PPARGC1A: variants seen among roughly 807,000 people sequenced by gnomAD.
PPARGC1A encodes the protein PPARG coactivator 1 alpha.
A neutral mutation model predicts 88.7 loss-of-function variants in PPARGC1A; 25 were observed. The observed-to-expected ratio is 0.28, with a 90% CI of 0.21 to 0.39. PPARGC1A has a LOEUF of 0.39. PPARGC1A is among the 10% of genes least tolerant of loss of function. The pLI is 1.00. For missense variants in PPARGC1A, 880 were observed against 968.7 expected, an observed-to-expected ratio of 0.91 and a Z score of 1.22; for synonymous variants, 363 against 355.6, an observed-to-expected ratio of 1.02 and a Z score of -0.24.
At chr4:23,977,674 G>A in the PPARGC1A span, among the ~76,000 whole-genome samples, 1 of 152,040 alleles carries the variant, frequency 6.6e-6, no homozygotes, top group Non-Finnish European at 1.5e-5. Context: ...CGTGTATCCT[G>A]GAACTTAAAA....
At chr4:24,310,559 T>C in the PPARGC1A span, among the ~76,000 whole-genome samples, 4 of 152,172 alleles carry the variant, frequency 2.6e-5, no homozygotes, top group Non-Finnish European at 4.4e-5. Flanking sequence ...GAACTACAAC[T>C]GCATGGGGCC....
chr4:23,805,883 T>A (rs1296937684), intron 10 of PPARGC1A, among the ~76,000 whole-genome samples: 1 of 152,142 alleles, frequency 6.6e-6, no homozygotes, highest in Non-Finnish European at 1.5e-5. Flanking sequence ...TCAAGGAAAT[T>A]TGAAGTTAAA....
the PPARGC1A span, among the ~76,000 whole-genome samples, chr4:24,121,244 C>T: frequency 6.6e-6 from 1 of 152,172 alleles, no homozygotes; most frequent in Non-Finnish European, 1.5e-5. Flanking sequence ...CAGGAAAACG[C>T]TATGGAGAAC....
At chr4:23,808,905 A>C (rs1720366251) in intron 10 of PPARGC1A, among the ~76,000 whole-genome samples, 1 of 152,228 alleles carries the variant, frequency 6.6e-6, no homozygotes, top group Non-Finnish European at 1.5e-5. Flanking sequence ...AAGGTTAAAA[A>C]GATGACTTTA....
chr4:24,175,760 C>T, the PPARGC1A span, among the ~76,000 whole-genome samples: 1 of 151,574 alleles, frequency 6.6e-6, no homozygotes, highest in African/African-American at 2.4e-5. Flanking sequence ...TCCAACGTAA[C>T]CATAAATAAT....
At chr4:24,128,371 T>G in the PPARGC1A span, among the ~76,000 whole-genome samples, 3 of 152,340 alleles carry the variant, frequency 2.0e-5, no homozygotes, top group East Asian at 5.8e-4. Flanking sequence ...GAACAGTGCC[T>G]CATAAATTCT....
the PPARGC1A span, among the ~76,000 whole-genome samples, chr4:24,150,099 C>T: frequency 6.6e-6 from 1 of 152,064 alleles, no homozygotes; most frequent in East Asian, 1.9e-4. Flanking sequence ...GATCTTTAAT[C>T]AATAAAAAGC....
chr4:24,053,745 G>C, the PPARGC1A span, among the ~76,000 whole-genome samples: 1 of 152,164 alleles, frequency 6.6e-6, no homozygotes, highest in African/African-American at 2.4e-5. Flanking sequence ...CAAGCCTCAG[G>C]TTAGTTGTGG....
intron 3 of PPARGC1A, among the ~76,000 whole-genome samples, chr4:23,830,910 T>C (rs1724878609): frequency 2.0e-5 from 3 of 152,202 alleles, no homozygotes; most frequent in Admixed American, 2.0e-4. Flanking sequence ...TGCTATAGTT[T>C]TTCAATCTTC....
At chr4:24,245,680 G>T in the PPARGC1A span, among the ~76,000 whole-genome samples, 1 of 152,152 alleles carries the variant, frequency 6.6e-6, no homozygotes, top group Non-Finnish European at 1.5e-5. Flanking sequence ...TCTCAGAAAA[G>T]GTTTGGACCA....
the PPARGC1A span, among the ~76,000 whole-genome samples, chr4:24,031,872 G>A: frequency 6.6e-6 from 1 of 152,182 alleles, no homozygotes; most frequent in Non-Finnish European, 1.5e-5. Context: ...TATTAGAAAT[G>A]ACCTTGGACA....
At chr4:23,885,689 T>C (rs1394290714) in intron 1 of PPARGC1A, among the ~76,000 whole-genome samples, 2 of 152,166 alleles carry the variant, frequency 1.3e-5, no homozygotes, top group Non-Finnish European at 2.9e-5. Context: ...TATGTGTGTG[T>C]ACGGTTGGAA....
the PPARGC1A span, among the ~76,000 whole-genome samples, chr4:24,078,680 T>A: frequency 6.6e-6 from 1 of 152,124 alleles, no homozygotes; most frequent in Non-Finnish European, 1.5e-5. Context: ...AGCCTGCTTT[T>A]TGTTGATTCC....
At chr4:24,307,455 T>A in the PPARGC1A span, among the ~76,000 whole-genome samples, 1 of 152,314 alleles carries the variant, frequency 6.6e-6, no homozygotes, top group South Asian at 2.1e-4. Context: ...CTGCACAATA[T>A]CAAAGGCACA....
chr4:23,894,944 T>C (rs1294835478), upstream of PPARGC1A, among the ~76,000 whole-genome samples: 1 of 152,116 alleles, frequency 6.6e-6, no homozygotes, highest in Non-Finnish European at 1.5e-5. Context: ...ATTTAGACAA[T>C]AAATGTTCAA....
the PPARGC1A span, among the ~76,000 whole-genome samples, chr4:24,343,095 T>C: frequency 6.6e-6 from 1 of 152,168 alleles, no homozygotes; most frequent in Non-Finnish European, 1.5e-5. Context: ...CGTTTCAAAA[T>C]AGCAAAAACC....
At chr4:23,903,304 C>T (rs1250321734), upstream of PPARGC1A, among the ~76,000 whole-genome samples, 1 of 152,038 alleles carries the variant, frequency 6.6e-6, no homozygotes, top group Non-Finnish European at 1.5e-5. Context: ...TTTGATGTGG[C>T]CCAAGAATGT....
chr4:24,200,671 A>AAAAAAAAAAAAAAAAT, the PPARGC1A span, among the ~76,000 whole-genome samples: 1 of 146,532 alleles, frequency 6.8e-6, no homozygotes, highest in Admixed American at 6.8e-5. Flanking sequence ...AAAAAAAAAA[A>AAAAAAAAAAAAAAAAT]CTCCAGTAGA....
intron 2 of PPARGC1A, among the ~76,000 whole-genome samples, chr4:23,863,428 A>T (rs1731596634): frequency 6.6e-6 from 1 of 152,098 alleles, no homozygotes; most frequent in Admixed American, 6.5e-5. Flanking sequence ...CTCCATTGTG[A>T]AATGAGCATG....
Sources: allele counts gnomAD v4.1 joint callset (sites outside exome capture counted in the v4.1 genomes callset), GRCh38; gene constraint gnomAD v4.1.1; transcripts MANE v1.5; gene names NCBI Gene and HGNC (gene_info 2026-07-23, HGNC 2026-07-21).